Variants in LIPJ observed in about 807,000 individuals in gnomAD.
LIPJ encodes the protein lipase member J.
A neutral mutation model predicts 39.8 loss-of-function variants in LIPJ; 33 were observed. The ratio of observed to expected loss-of-function variants is 0.83; its 90% CI spans 0.63 to 1.11. The LOEUF (loss-of-function observed/expected upper bound fraction) is 1.11. Ranked by LOEUF, LIPJ falls within the 50% of genes least tolerant of loss-of-function variation. The pLI, the probability that LIPJ is intolerant of heterozygous loss-of-function variation, is 0.00. For synonymous variants in LIPJ, 128 were observed against 139.2 expected (o/e 0.92, Z 0.57); for missense variants, 422 against 427.9 (o/e 0.99, Z 0.12).
chr10:88,600,584 G>T (rs2134571594), intron 8 of LIPJ, among the ~76,000 whole-genome samples: 1 of 152,176 alleles, frequency 6.6e-6, no homozygotes, highest in Non-Finnish European at 1.5e-5. Context: ...TCTAATGTTT[G>T]CAGCATCTCT....
chr10:88,588,443 A>C (rs73357288), intron 2 of LIPJ, among the ~76,000 whole-genome samples: 3 of 151,936 alleles, frequency 2.0e-5, no homozygotes, highest in Non-Finnish European at 4.4e-5. Context: ...AAATCTGCAT[A>C]TTGATTCATG....
chr10:88,602,579 C>A lies in LIPJ; in HGVS notation c.727C>A (p.Arg243Ser). The stretch of plus-strand genomic sequence containing the variant: ...TTTTTTTTTTTTTACCCCTCAGAGT[C>A]GTTTGGATGTGTATTTTTCACACAA... Residue 243 changes from arginine to serine, a missense_variant, in exon 9 of 11, where the codon CGT becomes AGT. Arg to Ser is a moderately radical substitution (Grantham distance 110). Transcript: ENST00000371939. 13 of 1,488,728 alleles carry A rather than the reference C, an allele frequency of 8.7e-6. No homozygotes were observed. In the South Asian group the frequency reaches 1.2e-4, roughly 14 times the overall value. 92.2% of individuals were successfully genotyped at this position (1,488,728 alleles called of 1,614,324 possible).
chr10:88,592,975 C>A (rs1851132237), intron 4 of LIPJ: 1 of 151,960 alleles, frequency 6.6e-6, no homozygotes, highest in Non-Finnish European at 1.5e-5. Context: ...GTAAGCCAGA[C>A]CTTCATCCCT....
chr10:88,613,788 ATATATATATATATG>A, the LIPJ span, among the ~76,000 whole-genome samples: 1 of 51,024 alleles, frequency 2.0e-5, no homozygotes, highest in African/African-American at 1.0e-4. Flanking sequence ...ATATATATAT[ATATATATATATATG>A]TGTGTGTGTG....
downstream of LIPJ, among the ~76,000 whole-genome samples, chr10:88,610,695 T>A (rs1851738096): frequency 6.6e-6 from 1 of 152,210 alleles, no homozygotes. Context: ...GATGTCTACA[T>A]CCATGGAGCA....
the LIPJ span, among the ~76,000 whole-genome samples, chr10:88,613,693 T>G: frequency 9.6e-3 from 1,420 of 147,498 alleles, 31 homozygotes; most frequent in African/African-American, 0.034. Context: ...GAAGTATGAC[T>G]GGGGATAGCA....
intron 10 of LIPJ, 81 bp from the exon 11 acceptor site, chr10:88,606,590 ACTC>A: frequency 6.6e-6 from 5 of 761,956 alleles, no homozygotes. Context: ...CAGTATTTAA[ACTC>A]ATCATTTTAA....
At chr10:88,604,710 G>A (rs1377769553) in intron 9 of LIPJ, among the ~76,000 whole-genome samples, 1 of 152,042 alleles carries the variant, frequency 6.6e-6, no homozygotes, top group Non-Finnish European at 1.5e-5. Context: ...AGGTTTTGGA[G>A]GAAAGGTAAA....
At chr10:88,610,024 T>C (rs1326214168), downstream of LIPJ, among the ~76,000 whole-genome samples, 3 of 151,886 alleles carry the variant, frequency 2.0e-5, no homozygotes, top group East Asian at 5.8e-4. Context: ...AGAATAGAAA[T>C]TGGAATTCAG....
At chr10:88,591,749 T>G (rs17345331) in intron 4 of LIPJ, 4 of 236,358 alleles carry the variant, frequency 1.7e-5, no homozygotes, top group Non-Finnish European at 2.4e-5. Context: ...TGCTCTTACA[T>G]GTTGATTCTC....
chr10:88,589,364 C>A (rs1175920068), intron 2 of LIPJ, among the ~76,000 whole-genome samples: 3 of 151,798 alleles, frequency 2.0e-5, no homozygotes, highest in African/African-American at 7.2e-5. Context: ...AAATGTGATT[C>A]CAAATGTTAT....
intron 10 of LIPJ, 144 bp downstream of exon 10, chr10:88,605,848 C>G: frequency 1.7e-6 from 1 of 594,496 alleles, no homozygotes; most frequent in Non-Finnish European, 3.0e-6. Context: ...TATTTGGATA[C>G]GTATTGTCAC....
At position 88,597,426 on chromosome 10, in the gene LIPJ, C is replaced by A. The variant is rs572979320; in HGVS notation, c.723+490C>A. Among the ~76,000 whole-genome samples the A allele has an allele frequency of 5.4e-4, 82 of 151,906 alleles. No individual in the cohort carries two copies. In the Middle Eastern group the frequency reaches 0.017, roughly 32 times the overall value. On this transcript the variant is annotated intron_variant, in intron 8 of 10. Coordinates refer to ENST00000371939, the Ensembl canonical transcript of LIPJ. ...ATTGTGGTACTCAAGGTACTATTAC[C>A]AAAACCTTTGGATTGATTGTGTATA... is the stretch of plus-strand genomic sequence containing the variant.
the LIPJ span, among the ~76,000 whole-genome samples, chr10:88,621,060 G>A: frequency 1.3e-5 from 2 of 152,208 alleles, no homozygotes; most frequent in South Asian, 2.1e-4. Context: ...AACGCCCCAC[G>A]TCCAAATAGT....
intron 7 of LIPJ, 117 bp downstream of exon 7, chr10:88,596,533 T>C: frequency 9.4e-7 from 1 of 1,061,844 alleles, no homozygotes. Flanking sequence ...ATTTTTGGTT[T>C]CATTTACACT....
At chr10:88,613,802 G>A in the LIPJ span, among the ~76,000 whole-genome samples, 5,063 of 50,988 alleles carry the variant, frequency 0.099, 171 homozygotes, top group African/African-American at 0.21. Context: ...ATATATATAT[G>A]TGTGTGTGTG....
At chr10:88,619,986 T>C in the LIPJ span, among the ~76,000 whole-genome samples, 1 of 152,078 alleles carries the variant, frequency 6.6e-6, no homozygotes. Context: ...TGGAGAAATA[T>C]TTGCACAATT....
intron 4 of LIPJ, chr10:88,592,570 A>C (rs963600834): frequency 2.0e-5 from 3 of 151,814 alleles, no homozygotes; most frequent in African/African-American, 7.3e-5. Context: ...AGAGGAGTTC[A>C]AGGTTCCCAT....
At chr10:88,583,441 G>A, upstream of LIPJ, 11 of 1,336,788 alleles carry the variant, frequency 8.2e-6, no homozygotes, top group Non-Finnish European at 1.1e-5. Context: ...TTCTCGCTTT[G>A]GGGGCCGGGC....
Sources: allele counts gnomAD v4.1 joint callset (sites outside exome capture counted in the v4.1 genomes callset), GRCh38; gene constraint gnomAD v4.1.1; transcripts MANE v1.5; gene names NCBI Gene and HGNC (gene_info 2026-07-23, HGNC 2026-07-21).